Variants in ELMO1 observed in about 807,000 individuals in gnomAD.
ELMO1 encodes the protein engulfment and cell motility protein 1.
In ELMO1, 26 loss-of-function variants were observed where a neutral mutation model predicts 98.9. The observed-to-expected ratio is 0.26, with a 90% CI of 0.19 to 0.36. ELMO1 has a LOEUF of 0.36. Among genes scored for constraint, ELMO1 ranks in the 10% least tolerant of loss-of-function variants. The probability of loss-of-function intolerance (pLI) is 1.00; values close to 1 mark genes in which losing one functional copy is unlikely to be tolerated. For missense variants in ELMO1, 627 were observed against 935.2 expected (o/e 0.67, Z 4.30); for synonymous variants, 346 against 346.0 (o/e 1.00, Z 0.00).
chr7:36,960,125 TGAA>T (rs1788815898), intron 16 of ELMO1, among the ~76,000 whole-genome samples: 2 of 152,206 alleles, frequency 1.3e-5, no homozygotes, highest in South Asian at 4.1e-4. Flanking sequence ...CTCTTTCAAA[TGAA>T]GAAGGGTACA....
intron 15 of ELMO1, among the ~76,000 whole-genome samples, chr7:37,070,632 G>A (rs967143739): frequency 6.6e-6 from 1 of 152,182 alleles, no homozygotes; most frequent in African/African-American, 2.4e-5. Flanking sequence ...CGTGTCTTGA[G>A]CAAGGCTTTC....
intron 16 of ELMO1, among the ~76,000 whole-genome samples, chr7:36,998,623 G>A (rs950859433): frequency 3.9e-5 from 6 of 151,990 alleles, no homozygotes; most frequent in African/African-American, 1.5e-4. Flanking sequence ...TTTTTAAGGA[G>A]AGAGTGGTTC....
Position 37,216,761 on chromosome 7 carries a change from A to C in ELMO1, c.781-66T>G. 1.9e-6 allele frequency: 3 copies of C among 1,577,564 alleles called. No homozygotes were observed. In the South Asian group the frequency reaches 3.3e-5, roughly 17 times the overall value. ...AAAGCTACATTTCGACATGGCCAAAAATGACCTTATCCTGGGGTGTGCTTC... is the reference window on the plus strand; with the variant it reads ...AAAGCTACATTTCGACATGGCCAAACATGACCTTATCCTGGGGTGTGCTTC... On this transcript the variant is annotated intron_variant, in intron 10 of 21. Transcript: ENST00000310758.
intron 15 of ELMO1, among the ~76,000 whole-genome samples, chr7:37,084,102 C>T (rs575584640): frequency 6.6e-6 from 1 of 152,204 alleles, no homozygotes; most frequent in African/African-American, 2.4e-5. Context: ...CTTGGGGGAA[C>T]ATACTGTAGT....
intron 13 of ELMO1, among the ~76,000 whole-genome samples, chr7:37,145,744 T>A (rs1787941039): frequency 6.6e-6 from 1 of 152,260 alleles, no homozygotes; most frequent in Non-Finnish European, 1.5e-5. Context: ...TTAATATTTG[T>A]GTTATAATAG....
chr7:37,216,596 A>G (rs1411071769), intron 11 of ELMO1, 49 bp downstream of exon 11: 21 of 1,603,840 alleles, frequency 1.3e-5, no homozygotes, highest in Non-Finnish European at 1.8e-5. Context: ...TAACAAATGC[A>G]CCAGGCCACT....
chr7:37,213,556 G>A, intron 11 of ELMO1, 99 bp from the exon 12 acceptor site: 1 of 1,156,338 alleles, frequency 8.6e-7, no homozygotes, highest in South Asian at 1.6e-5. Context: ...TCACTGGGAG[G>A]TATAAGGAAT....
chr7:37,115,611 A>T (rs1206088064), intron 14 of ELMO1, among the ~76,000 whole-genome samples: 1 of 152,186 alleles, frequency 6.6e-6, no homozygotes, highest in Non-Finnish European at 1.5e-5. Context: ...CTACATAAAG[A>T]ACATCTACAT....
chr7:36,909,181 G>A (rs889783817), intron 16 of ELMO1, among the ~76,000 whole-genome samples: 1 of 152,234 alleles, frequency 6.6e-6, no homozygotes, highest in Non-Finnish European at 1.5e-5. Flanking sequence ...ATTGCACTAA[G>A]TTGGTAAAAA....
At chr7:37,139,145 T>C (rs905279667) in intron 13 of ELMO1, among the ~76,000 whole-genome samples, 26 of 152,286 alleles carry the variant, frequency 1.7e-4, no homozygotes, top group African/African-American at 5.1e-4. Context: ...GGTGGAAGCA[T>C]TCCCCCTGAG....
intron 8 of ELMO1, among the ~76,000 whole-genome samples, chr7:37,231,546 T>C (rs540543834): frequency 1.3e-5 from 2 of 152,180 alleles, no homozygotes; most frequent in South Asian, 2.1e-4. Flanking sequence ...CAAATCCAAA[T>C]TGAGGAACAT....
chr7:37,149,988 C>A (rs931870923), intron 13 of ELMO1, among the ~76,000 whole-genome samples: 2 of 152,130 alleles, frequency 1.3e-5, no homozygotes, highest in African/African-American at 4.8e-5. Flanking sequence ...TTTTCAGTAA[C>A]CTTAGCTCAT....
At chr7:37,148,875 C>T (rs769234560) in intron 13 of ELMO1, among the ~76,000 whole-genome samples, 1 of 152,224 alleles carries the variant, frequency 6.6e-6, no homozygotes, top group Non-Finnish European at 1.5e-5. Context: ...AAATACATGT[C>T]ATGTACAGTA....
chr7:36,986,260 T>C, intron 16 of ELMO1: 1 of 985,400 alleles, frequency 1.0e-6, no homozygotes, highest in Non-Finnish European at 1.2e-6. Context: ...CTCCTGCTCA[T>C]TTATTTAGCA....
chr7:37,270,086 G>C (rs555866027), intron 5 of ELMO1: 1 of 152,296 alleles, frequency 6.6e-6, no homozygotes, highest in African/African-American at 2.4e-5. Flanking sequence ...CCAGCAAGCA[G>C]ATGATGACTT....
chr7:37,217,099 CT>C (rs1249730915), intron 10 of ELMO1, among the ~76,000 whole-genome samples: 1 of 152,172 alleles, frequency 6.6e-6, no homozygotes, highest in Non-Finnish European at 1.5e-5. Flanking sequence ...ATTCCAGTAT[CT>C]TCTAAAAGTC....
intron 16 of ELMO1, among the ~76,000 whole-genome samples, chr7:36,918,993 T>TCAG (rs1784927959): frequency 1.5e-5 from 2 of 132,732 alleles, no homozygotes; most frequent in Non-Finnish European, 3.4e-5. Context: ...CATTCATTCA[T>TCAG]TCAGTCAGTC....
intron 16 of ELMO1, among the ~76,000 whole-genome samples, chr7:36,897,671 TCATGATGATC>T (rs1477492018): frequency 6.6e-6 from 1 of 152,116 alleles, no homozygotes; most frequent in African/African-American, 2.4e-5. Flanking sequence ...TGCAAGGAAA[TCATGATGATC>T]CCTTATGGAA....
intron 13 of ELMO1, among the ~76,000 whole-genome samples, chr7:37,188,770 C>CTCTAGAAAACCCTGAAGACT: frequency 6.6e-6 from 1 of 151,982 alleles, no homozygotes; most frequent in Non-Finnish European, 1.5e-5. Context: ...AAAACACAAC[C>CTCTAGAAAACCCTGAAGACT]CAACGACCAC....
Sources: allele counts gnomAD v4.1 joint callset (sites outside exome capture counted in the v4.1 genomes callset), GRCh38; gene constraint gnomAD v4.1.1; transcripts MANE v1.5; gene names NCBI Gene and HGNC (gene_info 2026-07-23, HGNC 2026-07-21).